FAF1: variants seen among roughly 807,000 people sequenced by gnomAD.
The protein encoded by FAF1 is FAS-associated factor 1.
FAF1 carries 25 observed loss-of-function variants against 92.5 expected under a neutral mutation model. The observed-to-expected ratio is 0.27, with a 90% CI of 0.20 to 0.38. FAF1 has a LOEUF of 0.38. Among genes scored for constraint, FAF1 ranks in the 10% least tolerant of loss-of-function variants. The pLI is 1.00. For synonymous variants in FAF1, 234 were observed against 273.2 expected (o/e 0.86, Z 1.42); for missense variants, 636 against 793.3 (o/e 0.80, Z 2.38).
At position 50,582,602 on chromosome 1, in the gene FAF1, G is replaced by A. The variant is rs1651042787; in HGVS notation, c.1113+16C>T. The A allele has an allele frequency of 6.4e-7, 1 of 1,563,338 alleles. No homozygotes were observed. The highest frequency in any genetic ancestry group is 8.8e-7 in the Non-Finnish European group (1 of 1,133,990). ...GGGATGCACTTTTTAATCAGAAAAG[G>A]TCAAACTGTACTTACATCTCGGGCT... On this transcript the variant is annotated intron_variant, in intron 12 of 18. Transcript: ENST00000396153.
chr1:50,896,422 T>C (rs919833670), intron 1 of FAF1, among the ~76,000 whole-genome samples: 1 of 152,182 alleles, frequency 6.6e-6, no homozygotes, highest in African/African-American at 2.4e-5. Flanking sequence ...TACATACACC[T>C]ATGTTTTTTA....
intron 4 of FAF1, among the ~76,000 whole-genome samples, chr1:50,764,253 G>C (rs956798109): frequency 6.6e-6 from 1 of 152,108 alleles, no homozygotes; most frequent in Admixed American, 6.6e-5. Flanking sequence ...TGGGGTCTCA[G>C]TACTAACTGT....
intron 8 of FAF1, among the ~76,000 whole-genome samples, chr1:50,628,225 A>G (rs912938361): frequency 2.0e-5 from 3 of 152,220 alleles, no homozygotes; most frequent in African/African-American, 7.2e-5. Context: ...GATATTATTG[A>G]TAACATATGT....
intron 2 of FAF1, among the ~76,000 whole-genome samples, chr1:50,838,705 A>G (rs1475995333): frequency 1.3e-5 from 2 of 151,958 alleles, no homozygotes; most frequent in Non-Finnish European, 2.9e-5. Flanking sequence ...TAAATAATGT[A>G]ATTTTCTCTC....
At chr1:50,547,031 G>C (rs971825732) in intron 13 of FAF1, among the ~76,000 whole-genome samples, 3 of 152,074 alleles carry the variant, frequency 2.0e-5, no homozygotes, top group African/African-American at 7.2e-5. Context: ...TGGGACTACA[G>C]GTAAGCGCCA....
At chr1:50,848,346 G>C (rs2048636) in intron 2 of FAF1, among the ~76,000 whole-genome samples, 46,778 of 152,136 alleles carry the variant, frequency 0.31, 9,092 homozygotes, top group East Asian at 0.76. Flanking sequence ...ATGCCGTATA[G>C]GGCTGTTAAA....
chr1:50,536,116 T>C (rs1026659396), intron 14 of FAF1, among the ~76,000 whole-genome samples: 7 of 152,186 alleles, frequency 4.6e-5, no homozygotes, highest in African/African-American at 1.7e-4. Flanking sequence ...AAAAAAAGAT[T>C]TCTTTTTTTG....
rs544578500 is a variant in FAF1 at position 50,688,059 on chromosome 1, C to T, written c.657+17727G>A. 3.6e-4 allele frequency among the ~76,000 whole-genome samples: 54 copies of T among 151,562 alleles called. 4 individuals carry two copies. The highest frequency in any genetic ancestry group is 3.4e-3 in the Middle Eastern group (1 of 294). On this transcript the variant is annotated intron_variant, in intron 7 of 18. Transcript: ENST00000396153. ...CTGAGGCAGAAGAACAGCGTGAACC[C>T]GGGAGGTGGAGCTTGCAGGGAGCCG...
chr1:50,959,070 A>G (rs1645294566), intron 1 of FAF1, among the ~76,000 whole-genome samples: 1 of 152,230 alleles, frequency 6.6e-6, no homozygotes, highest in Non-Finnish European at 1.5e-5. Flanking sequence ...CTTATCCTTT[A>G]AAGTATTCCT....
intron 15 of FAF1, among the ~76,000 whole-genome samples, chr1:50,534,939 C>T (rs931354003): frequency 6.6e-6 from 1 of 152,142 alleles, no homozygotes; most frequent in Non-Finnish European, 1.5e-5. Context: ...TTTGCTAATG[C>T]TCACAGTACT....
chr1:50,553,910 A>AG (rs1649428303), intron 13 of FAF1, among the ~76,000 whole-genome samples: 1 of 152,036 alleles, frequency 6.6e-6, no homozygotes, highest in Non-Finnish European at 1.5e-5. Context: ...TAAAAAAAAA[A>AG]GCTATCTTTT....
intron 9 of FAF1, among the ~76,000 whole-genome samples, chr1:50,594,216 G>A (rs1651674707): frequency 6.6e-6 from 1 of 151,790 alleles, no homozygotes; most frequent in Admixed American, 6.6e-5. Flanking sequence ...CTGGGAGGCT[G>A]AGGCACGAGA....
intron 8 of FAF1, among the ~76,000 whole-genome samples, chr1:50,609,903 T>C (rs1490591079): frequency 2.0e-5 from 3 of 152,200 alleles, no homozygotes; most frequent in Non-Finnish European, 2.9e-5. Context: ...TTCACCTGTT[T>C]ACTCCCCCAC....
chr1:50,642,739 T>TGTAA (rs35004807), intron 8 of FAF1, among the ~76,000 whole-genome samples: 63,144 of 151,760 alleles, frequency 0.42, 15,372 homozygotes, highest in African/African-American at 0.67. Flanking sequence ...TTCCTTTTAA[T>TGTAA]GTAATTCATA....
At chr1:50,846,575 A>G in intron 2 of FAF1, 1 of 529,354 alleles carries the variant, frequency 1.9e-6, no homozygotes, top group Non-Finnish European at 3.8e-6. Context: ...AGCAATAGTG[A>G]GGAACTTGGA....
chr1:50,574,939 C>T (rs1238442259), intron 12 of FAF1, among the ~76,000 whole-genome samples: 3 of 113,672 alleles, frequency 2.6e-5, no homozygotes, highest in African/African-American at 7.2e-5. Flanking sequence ...GACAGGGTCT[C>T]GCTCTGTCAC....
At chr1:50,541,264 C>T (rs1020638720) in intron 13 of FAF1, among the ~76,000 whole-genome samples, 1 of 152,152 alleles carries the variant, frequency 6.6e-6, no homozygotes, top group Admixed American at 6.5e-5. Context: ...TAAGTTAGCA[C>T]CATTGCAATA....
chr1:50,661,071 A>T (rs2124311538), intron 7 of FAF1, among the ~76,000 whole-genome samples: 1 of 152,324 alleles, frequency 6.6e-6, no homozygotes, highest in African/African-American at 2.4e-5. Flanking sequence ...TATAACAGAC[A>T]TCAAAAAGAA....
intron 7 of FAF1, among the ~76,000 whole-genome samples, chr1:50,692,241 C>CTGTGTGTGTGTGTGTGTG (rs59187392): frequency 1.5e-4 from 20 of 129,082 alleles, no homozygotes; most frequent in East Asian, 1.2e-3. Flanking sequence ...GAAGTATTTA[C>CTGTGTGTGTGTGTGTGTG]TGTGTGTGTG....
Sources: gnomAD v4.1 joint callset for allele counts (sites outside exome capture counted in the v4.1 genomes callset) on GRCh38, gnomAD v4.1.1 for gene constraint, MANE v1.5 for transcripts, NCBI Gene and HGNC (gene_info 2026-07-23, HGNC 2026-07-21) for gene names.